Variants in FHIT observed in about 807,000 individuals in gnomAD.
The protein encoded by FHIT is fragile histidine triad diadenosine triphosphatase.
In FHIT, 19 loss-of-function variants were observed where a neutral mutation model predicts 17.9. That is an observed-to-expected ratio of 1.06 (90% confidence interval 0.74 to 1.56). FHIT has a LOEUF of 1.56. FHIT is among the 40% of genes most tolerant of loss of function. The probability of loss-of-function intolerance (pLI) is 0.00; values close to 1 mark genes in which losing one functional copy is unlikely to be tolerated. For missense variants in FHIT, 248 were observed against 189.2 expected, an observed-to-expected ratio of 1.31 and a Z score of -1.82; for synonymous variants, 81 against 69.7, an observed-to-expected ratio of 1.16 and a Z score of -0.81.
At chr3:60,437,003 C>T (rs2030323288) in intron 5 of FHIT, among the ~76,000 whole-genome samples, 1 of 152,070 alleles carries the variant, frequency 6.6e-6, no homozygotes, top group Non-Finnish European at 1.5e-5. Context: ...AGAACAGCAC[C>T]TAACAAGCAC....
intron 3 of FHIT, among the ~76,000 whole-genome samples, chr3:60,969,443 T>A (rs1709903669): frequency 6.6e-6 from 1 of 152,146 alleles, no homozygotes; most frequent in Non-Finnish European, 1.5e-5. Flanking sequence ...ATTACTAGAT[T>A]ACTAATTTTC....
intron 2 of FHIT, among the ~76,000 whole-genome samples, chr3:61,043,644 T>G (rs1238191978): frequency 6.6e-6 from 1 of 152,194 alleles, no homozygotes. Context: ...TCTCCCACCA[T>G]GGAGTTTGAC....
intron 4 of FHIT, among the ~76,000 whole-genome samples, chr3:60,587,951 C>CT (rs1293139260): frequency 6.6e-6 from 1 of 151,372 alleles, no homozygotes; most frequent in Non-Finnish European, 1.5e-5. Context: ...TGCAATGCCC[C>CT]TTCTCCTTTT....
intron 8 of FHIT, among the ~76,000 whole-genome samples, chr3:59,771,026 G>A (rs751312160): frequency 6.6e-6 from 1 of 152,184 alleles, no homozygotes; most frequent in Non-Finnish European, 1.5e-5. Context: ...TATTTAACAC[G>A]TAAAATGACT....
At chr3:60,156,293 T>A (rs1700687008) in intron 5 of FHIT, among the ~76,000 whole-genome samples, 1 of 150,788 alleles carries the variant, frequency 6.6e-6, no homozygotes, top group Non-Finnish European at 1.5e-5. Context: ...GAGGTTGCAG[T>A]GAGCCGAGAT....
chr3:59,880,517 T>C (rs887552349), intron 8 of FHIT, among the ~76,000 whole-genome samples: 4 of 152,188 alleles, frequency 2.6e-5, no homozygotes, highest in African/African-American at 9.7e-5. Flanking sequence ...GGCTCTGGGA[T>C]ACAGGACTGA....
chr3:60,537,522 A>G (rs1399087403), intron 4 of FHIT: 1 of 911,618 alleles, frequency 1.1e-6, no homozygotes, highest in Non-Finnish European at 1.3e-6. Flanking sequence ...TCTCCAAAAT[A>G]AAGGAGAAAA....
chr3:61,156,825 T>C (rs2037546927), intron 2 of FHIT, among the ~76,000 whole-genome samples: 1 of 152,236 alleles, frequency 6.6e-6, no homozygotes, highest in African/African-American at 2.4e-5. Context: ...GGGGCTTTCC[T>C]CTTGACACTG....
At chr3:60,173,241 C>A (rs1316285907) in intron 5 of FHIT, among the ~76,000 whole-genome samples, 1 of 152,166 alleles carries the variant, frequency 6.6e-6, no homozygotes, top group East Asian at 1.9e-4. Context: ...CATTCCCAGA[C>A]TGGTATCTTA....
chr3:60,132,326 A>G (rs1046750659), intron 5 of FHIT, among the ~76,000 whole-genome samples: 2 of 152,222 alleles, frequency 1.3e-5, no homozygotes, highest in Non-Finnish European at 2.9e-5. Context: ...CATCCCATGC[A>G]TTTAACTCAG....
chr3:61,201,329 A>G (rs1227175480), intron 1 of FHIT, among the ~76,000 whole-genome samples: 2 of 152,220 alleles, frequency 1.3e-5, no homozygotes, highest in Non-Finnish European at 2.9e-5. Flanking sequence ...ACACAAATCA[A>G]TGTGACAAAA....
At chr3:61,022,280 C>G (rs1465690329) in intron 3 of FHIT, among the ~76,000 whole-genome samples, 2 of 152,154 alleles carry the variant, frequency 1.3e-5, no homozygotes, top group African/African-American at 4.8e-5. Context: ...TACACCCTCC[C>G]AAGACTAAAC....
chr3:61,078,911 A>G (rs1361479554), intron 2 of FHIT, among the ~76,000 whole-genome samples: 1 of 152,116 alleles, frequency 6.6e-6, no homozygotes, highest in Non-Finnish European at 1.5e-5. Context: ...TTTAAATATA[A>G]TTTTCATATA....
At chr3:61,187,269 A>G (rs545250819) in intron 2 of FHIT, among the ~76,000 whole-genome samples, 1 of 152,338 alleles carries the variant, frequency 6.6e-6, no homozygotes, top group Non-Finnish European at 1.5e-5. Context: ...TGCAAAGACA[A>G]GAACATAGAC....
rs779827237 is a variant in FHIT at position 60,189,923 on chromosome 3, G to A, written c.104-175771C>T. Among the ~76,000 whole-genome samples, 64 of 152,222 alleles carry A rather than the reference G, an allele frequency of 4.2e-4. 1 individual carries two copies. In the Middle Eastern group the frequency reaches 0.014, roughly 32 times the overall value. ...GTGGAAGCCATGTATGCATTGAACA[G>A]TTACCTCTTCAAGTTTCAAAGAGAG... On this transcript the variant is annotated intron_variant, in intron 5 of 9. Transcript: ENST00000492590.
intron 5 of FHIT, among the ~76,000 whole-genome samples, chr3:60,041,645 A>G (rs1208248539): frequency 1.3e-5 from 2 of 152,220 alleles, no homozygotes; most frequent in Admixed American, 1.3e-4. Flanking sequence ...TGAATAAAGA[A>G]GGAGAAGAAA....
chr3:60,133,253 A>C (rs1282257267), intron 5 of FHIT, among the ~76,000 whole-genome samples: 1 of 152,134 alleles, frequency 6.6e-6, no homozygotes, highest in Admixed American at 6.5e-5. Context: ...GAGAAACTCC[A>C]AAGTTCTCCG....
chr3:60,456,615 T>G (rs1179755211), intron 5 of FHIT, among the ~76,000 whole-genome samples: 1 of 152,204 alleles, frequency 6.6e-6, no homozygotes. Context: ...CTAATGGGCT[T>G]GTTCCTCTGA....
intron 4 of FHIT, among the ~76,000 whole-genome samples, chr3:60,740,299 C>T (rs573716045): frequency 6.0e-4 from 92 of 152,278 alleles, no homozygotes; most frequent in African/African-American, 1.9e-3. Flanking sequence ...CTAGATTCTG[C>T]CATTTGCTTG....
Sources: allele counts gnomAD v4.1 joint callset (sites outside exome capture counted in the v4.1 genomes callset), GRCh38; gene constraint gnomAD v4.1.1; transcripts MANE v1.5; gene names NCBI Gene and HGNC (gene_info 2026-07-23, HGNC 2026-07-21).